MAP4K4: variants seen among roughly 807,000 people sequenced by gnomAD.
MAP4K4 encodes the protein mitogen-activated protein kinase kinase kinase kinase 4.
In MAP4K4, 38 loss-of-function variants were observed where a neutral mutation model predicts 189.6. That is an observed-to-expected ratio of 0.20 (90% CI 0.15 to 0.26). The LOEUF is 0.26. Ranked by LOEUF, MAP4K4 falls within the 10% of genes least tolerant of loss-of-function variation. The pLI, the probability that MAP4K4 is intolerant of heterozygous loss-of-function variation, is 1.00. For synonymous variants in MAP4K4, 610 were observed against 624.3 expected (o/e 0.98, Z 0.34); for missense variants, 1,054 against 1,726.9 (o/e 0.61, Z 6.91).
chr2:101,747,345 C>G (rs1272201878), intron 2 of MAP4K4, among the ~76,000 whole-genome samples: 1 of 152,196 alleles, frequency 6.6e-6, no homozygotes, highest in African/African-American at 2.4e-5. Context: ...TGTTGAACTC[C>G]TGACCTCAGG....
exon 33 of MAP4K4, chr2:101,892,507 G>T (rs1255388454): frequency 5.0e-6 from 1 of 198,690 alleles, no homozygotes; most frequent in Admixed American, 5.5e-5. Flanking sequence ...ATGTAGAGGG[G>T]TTGGTAGCAG....
chr2:101,805,029 G>A (rs2094781049), intron 3 of MAP4K4, among the ~76,000 whole-genome samples: 1 of 134,548 alleles, frequency 7.4e-6, no homozygotes, highest in Non-Finnish European at 1.5e-5. Flanking sequence ...AGCTGAGATC[G>A]CACCATGCAC....
chr2:101,760,331 A>G (rs966698350), intron 2 of MAP4K4, among the ~76,000 whole-genome samples: 2 of 151,986 alleles, frequency 1.3e-5, no homozygotes, highest in East Asian at 3.9e-4. Context: ...TCTACTAAAA[A>G]TACAAAAATT....
chr2:101,795,080 C>T (rs2093537173), intron 3 of MAP4K4, among the ~76,000 whole-genome samples: 1 of 152,254 alleles, frequency 6.6e-6, no homozygotes, highest in South Asian at 2.1e-4. Flanking sequence ...AGGTGAAGCC[C>T]ACTTCACTCA....
At chr2:101,828,927 G>T (rs1381484818) in intron 5 of MAP4K4, among the ~76,000 whole-genome samples, 2 of 152,208 alleles carry the variant, frequency 1.3e-5, no homozygotes, top group Non-Finnish European at 2.9e-5. Flanking sequence ...TGCCCAGTAG[G>T]TTTGTTTCCT....
Position 101,698,677 on chromosome 2 carries a change from C to T in MAP4K4, c.123+139C>T, listed in dbSNP as rs1445584621. 5 of 748,312 alleles carry T rather than the reference C, an allele frequency of 6.7e-6. No individual in the cohort carries two copies. In the Admixed American group the frequency reaches 6.8e-5, roughly 10 times the overall value. 46.4% of individuals were successfully genotyped at this position (748,312 alleles called of 1,614,324 possible). A position where few individuals can be genotyped will look rare whatever the true frequency, so the allele number is the denominator to read the frequency against. On this transcript the variant is annotated intron_variant, in intron 2 of 32. Coordinates refer to ENST00000324219, the Ensembl canonical transcript of MAP4K4. Reference sequence around the variant, plus strand: ...TGGGAGAGGGGTTTCTTTCGCCTTGCAGTCCCTCTGTTTTTGCACACCGAG... The same window carrying T: ...TGGGAGAGGGGTTTCTTTCGCCTTGTAGTCCCTCTGTTTTTGCACACCGAG...
chr2:101,798,405 G>A (rs1575732894), intron 3 of MAP4K4, among the ~76,000 whole-genome samples: 1 of 152,266 alleles, frequency 6.6e-6, no homozygotes, highest in East Asian at 1.9e-4. Flanking sequence ...ATTCTCTCTT[G>A]CTGTTTTAAC....
At chr2:101,859,613 A>G (rs1401104095) in intron 14 of MAP4K4, 30 bp from the exon 15 acceptor site, 8 of 1,511,834 alleles carry the variant, frequency 5.3e-6, no homozygotes, top group Non-Finnish European at 7.2e-6. Flanking sequence ...AGTGTCCCAT[A>G]GATTTAGTGT....
chr2:101,821,153 T>C (rs2096029460), intron 3 of MAP4K4, among the ~76,000 whole-genome samples: 1 of 152,196 alleles, frequency 6.6e-6, no homozygotes, highest in Non-Finnish European at 1.5e-5. Context: ...ATAGAAATTA[T>C]ACCTATTTGG....
intron 22 of MAP4K4, 108 bp from the exon 23 acceptor site, chr2:101,870,187 A>G: frequency 6.0e-6 from 7 of 1,158,738 alleles, no homozygotes; most frequent in East Asian, 2.5e-5. Context: ...GAGGCTTTAT[A>G]TCGGTAGCCT....
intron 13 of MAP4K4, among the ~76,000 whole-genome samples, chr2:101,857,300 A>G (rs561110465): frequency 6.6e-6 from 1 of 152,304 alleles, no homozygotes; most frequent in East Asian, 1.9e-4. Context: ...ATTGTGAAAT[A>G]GTAATTCCCA....
In MAP4K4 at chr2:101,698,554, T is replaced by G. The variant is rs1381893304; in HGVS notation, c.123+16T>G. 9 of 1,611,064 alleles carry G rather than the reference T, an allele frequency of 5.6e-6. No homozygotes were observed. The highest frequency in any genetic ancestry group is 2.2e-5 in the South Asian group (2 of 90,904). On this transcript the variant is annotated intron_variant, in intron 2 of 32. Transcript: ENST00000324219. ...AGTCTATAAGGTCGGTGTGGGCGCC[T>G]TCTTTGTTTCCCGTGGCATGTGGAA...
chr2:101,842,206 C>T (rs1220260729), intron 10 of MAP4K4, among the ~76,000 whole-genome samples: 1 of 152,180 alleles, frequency 6.6e-6, no homozygotes, highest in East Asian at 1.9e-4. Flanking sequence ...CAAGTAAATT[C>T]TCTTGGTTGC....
intron 23 of MAP4K4, chr2:101,870,666 G>A (rs2097970448): frequency 1.1e-5 from 5 of 452,574 alleles, no homozygotes; most frequent in East Asian, 4.4e-5. Context: ...CAAGCACCGC[G>A]CTGAGTCTCA....
At position 101,809,988 on chromosome 2, in the gene MAP4K4, A is replaced by G. The variant is rs570906846; in HGVS notation, c.181-13940A>G. Among the ~76,000 whole-genome samples the G allele has an allele frequency of 1.4e-4, 21 of 152,374 alleles. No homozygotes were observed. The South Asian group carries it at 2.5e-3, about 18-fold the overall frequency. ...ATTTAAAAGCCCAACATGATTTTCT[A>G]TGCTGACCCAGAGTTCAGTGTATTG... On this transcript the variant is annotated intron_variant, in intron 3 of 32. Transcript: ENST00000324219.
At chr2:101,768,450 C>T (rs943243761) in intron 2 of MAP4K4, among the ~76,000 whole-genome samples, 3 of 152,194 alleles carry the variant, frequency 2.0e-5, no homozygotes, top group African/African-American at 2.4e-5. Context: ...CTGTCGTCAG[C>T]GTTGATTAAG....
rs1264046557 is a variant in MAP4K4, at chr2:101,800,135, AT to A, written c.180+9360del. ...GTTCTTCTCCTTAAAAAAAAAAAAA[AT>A]AATAATTTTTTGAGACAGGATCTTG... On this transcript the variant is annotated intron_variant, in intron 3 of 32. Transcript: ENST00000324219. Among the ~76,000 whole-genome samples the A allele has an allele frequency of 5.9e-3, 868 of 147,360 alleles. 9 individuals are homozygous for A. Among genetic ancestry groups the A allele is most frequent in the African/African-American group, 0.021 (837 of 39,010 alleles).
chr2:101,825,366 G>T, exon 5 of MAP4K4: 1 of 1,613,428 alleles, frequency 6.2e-7, no homozygotes, highest in Non-Finnish European at 8.5e-7. Flanking sequence ...ACCTTGTGAA[G>T]AACACCAAAG....
intron 19 of MAP4K4, among the ~76,000 whole-genome samples, chr2:101,866,948 C>T (rs114451328): frequency 1.3e-3 from 201 of 151,642 alleles, no homozygotes; most frequent in African/African-American, 4.7e-3. Context: ...AATATTCCCT[C>T]TACTGTATTA....
Sources: allele counts gnomAD v4.1 joint callset (sites outside exome capture counted in the v4.1 genomes callset), GRCh38; gene constraint gnomAD v4.1.1; transcripts MANE v1.5; gene names NCBI Gene and HGNC (gene_info 2026-07-23, HGNC 2026-07-21).